IAH1: variants seen among roughly 807,000 people sequenced by gnomAD.
The protein encoded by IAH1 is isoamyl acetate hydrolyzing esterase 1 (putative).
Under a neutral mutation model 26.7 loss-of-function variants are expected in IAH1, and 24 were observed. The observed-to-expected ratio is 0.90, with a 90% CI of 0.65 to 1.26. The LOEUF is 1.26. Ranked by LOEUF, IAH1 falls within the 50% of genes most tolerant of loss-of-function variation. IAH1 has a pLI of 0.00. For synonymous variants in IAH1, 140 were observed against 118.5 expected, an observed-to-expected ratio of 1.18 and a Z score of -1.18; for missense variants, 300 against 299.9, an observed-to-expected ratio of 1.00 and a Z score of 0.00.
intron 3 of IAH1, among the ~76,000 whole-genome samples, chr2:9,481,056 C>T (rs1370867955): frequency 6.6e-6 from 1 of 152,118 alleles, no homozygotes; most frequent in Non-Finnish European, 1.5e-5. Flanking sequence ...ATACTAGTGA[C>T]GAAAAGACAA....
chr2:9,509,662 A>T, the IAH1 span, among the ~76,000 whole-genome samples: 748 of 152,320 alleles, frequency 4.9e-3, 3 homozygotes, highest in Non-Finnish European at 6.0e-3. Context: ...GAAATGACAA[A>T]TTTTTAACAT....
downstream of IAH1, among the ~76,000 whole-genome samples, chr2:9,499,279 G>T (rs534430380): frequency 1.3e-5 from 2 of 152,086 alleles, no homozygotes; most frequent in Non-Finnish European, 2.9e-5. Flanking sequence ...TTTTACTTAC[G>T]TTTATTTAAA....
chr2:9,498,621 TAAG>T, downstream of IAH1, among the ~76,000 whole-genome samples: 1 of 152,336 alleles, frequency 6.6e-6, no homozygotes, highest in South Asian at 2.1e-4. Context: ...GATGGTTTAT[TAAG>T]TACCCAACAG....
intron 2 of IAH1, among the ~76,000 whole-genome samples, chr2:9,477,481 C>G (rs1405680475): frequency 1.3e-5 from 2 of 150,114 alleles, no homozygotes; most frequent in East Asian, 1.9e-4. Context: ...ATCATTTTAC[C>G]AAGACTAAGA....
chr2:9,505,547 CCT>C, the IAH1 span: 2 of 616,532 alleles, frequency 3.2e-6, no homozygotes, highest in Non-Finnish European at 5.7e-6. Flanking sequence ...TGGGAACCTC[CCT>C]CCATAGAATG....
the IAH1 span, chr2:9,505,284 T>C: frequency 6.2e-7 from 1 of 1,614,100 alleles, no homozygotes; most frequent in African/African-American, 1.3e-5. Flanking sequence ...CCACAAACTT[T>C]ATTGCTGCGT....
chr2:9,503,998 C>CA, the IAH1 span, among the ~76,000 whole-genome samples: 14 of 151,410 alleles, frequency 9.2e-5, no homozygotes, highest in African/African-American at 2.7e-4. Context: ...ATAAAAAATA[C>CA]AAAAAAAATT....
intron 1 of IAH1, chr2:9,475,247 C>A (rs943590542): frequency 7.0e-5 from 88 of 1,259,304 alleles, no homozygotes; most frequent in Non-Finnish European, 9.2e-5. Context: ...AGTAGAAATT[C>A]CATTCCTGTG....
Position 9,489,740 on chromosome 2 carries a change from A to C in IAH1, c.*1411A>C, listed in dbSNP as rs1335337050. ...TAGTTGAAGGCAAAAAAAAAAAAAAAAAAAAAAAACTATTCCAGTTGTCAT... is the reference window on the plus strand; with the variant it reads ...TAGTTGAAGGCAAAAAAAAAAAAAACAAAAAAAAACTATTCCAGTTGTCAT... On this transcript the variant is annotated 3_prime_UTR_variant, in exon 6 of 6. Transcript: ENST00000497473. 2.0e-5 allele frequency: 3 copies of C among 152,340 alleles called. No individual in the cohort carries two copies. Among genetic ancestry groups the C allele is most frequent in the South Asian group, 2.1e-4 (1 of 4,818 alleles). The allele number at this position is 152,340 out of a possible 1,614,324, so 9.4% of individuals were successfully genotyped here.
intron 6 of IAH1, among the ~76,000 whole-genome samples, chr2:9,495,690 G>A (rs1446852636): frequency 2.0e-5 from 3 of 147,586 alleles, no homozygotes; most frequent in Non-Finnish European, 4.5e-5. Flanking sequence ...CTCCAGCCTG[G>A]GCGAGAGTGA....
downstream of IAH1, chr2:9,494,726 C>T (rs779554063): frequency 8.1e-6 from 13 of 1,613,970 alleles, no homozygotes; most frequent in South Asian, 3.3e-5. Flanking sequence ...ACACAGCGGC[C>T]AGAAAGGTCC....
At chr2:9,484,262 C>T (rs1325121457) in intron 4 of IAH1, among the ~76,000 whole-genome samples, 170 bp from the exon 5 acceptor site, 1 of 152,234 alleles carries the variant, frequency 6.6e-6, no homozygotes, top group Non-Finnish European at 1.5e-5. Context: ...TAGAGCAGCA[C>T]ACCAGTAACC....
chr2:9,474,665 C>T lies in IAH1; in HGVS notation c.81+18C>T. On this transcript the variant is annotated intron_variant, in intron 1 of 5. Coordinates refer to ENST00000497473, the MANE Select transcript of IAH1 (RefSeq NM_001039613.3). This position sits in a 1 kb window ranked among gnomAD's most constrained non-coding sequence, Gnocchi z 4.3. Reference sequence around the variant, plus strand: ...TCACCCAGGTACGGCCGCCCCGACGCTCGGCCTCCCGCCCCGGCCTCCCTG... The same window carrying T: ...TCACCCAGGTACGGCCGCCCCGACGTTCGGCCTCCCGCCCCGGCCTCCCTG... 6.6e-7 allele frequency: 1 copy of T among 1,526,710 alleles called. No homozygotes were observed. The highest frequency in any genetic ancestry group is 1.2e-5 in the South Asian group (1 of 83,118). 94.6% of individuals were successfully genotyped at this position (1,526,710 alleles called of 1,614,324 possible). A position where few individuals can be genotyped will look rare whatever the true frequency, so the allele number is the denominator to read the frequency against.
chr2:9,475,782 G>C (rs1442682597), intron 1 of IAH1: 3 of 605,114 alleles, frequency 5.0e-6, no homozygotes, highest in Non-Finnish European at 8.9e-6. Context: ...AATACAGGCT[G>C]TTTAGCTTTT....
At chr2:9,498,066 G>C (rs1196411249), downstream of IAH1, among the ~76,000 whole-genome samples, 3 of 152,108 alleles carry the variant, frequency 2.0e-5, no homozygotes, top group African/African-American at 7.2e-5. Flanking sequence ...GTCTCAGTCT[G>C]TCACCCAGGC....
downstream of IAH1, chr2:9,493,959 A>T (rs1361727890): frequency 1.5e-6 from 1 of 667,558 alleles, no homozygotes; most frequent in African/African-American, 1.8e-5. Flanking sequence ...GACACAAGGC[A>T]ATAACTTCCG....
chr2:9,490,614 G>C, downstream of IAH1: 2 of 1,280,952 alleles, frequency 1.6e-6, no homozygotes, highest in Non-Finnish European at 2.1e-6. Flanking sequence ...CTCTTATTCT[G>C]TTGGCACTGT....
At chr2:9,508,991 CA>C in the IAH1 span, among the ~76,000 whole-genome samples, 11 of 150,238 alleles carry the variant, frequency 7.3e-5, no homozygotes, top group East Asian at 2.0e-4. Flanking sequence ...CATAAAAAGC[CA>C]AAAAAAAATG....
chr2:9,501,903 A>G, the IAH1 span, among the ~76,000 whole-genome samples: 1 of 152,108 alleles, frequency 6.6e-6, no homozygotes, highest in Admixed American at 6.6e-5. Flanking sequence ...TGATCTTTCA[A>G]GGATATACAC....
Sources: gnomAD v4.1 joint callset for allele counts (sites outside exome capture counted in the v4.1 genomes callset) on GRCh38, gnomAD v4.1.1 for gene constraint, Gnocchi (gnomAD v3.1) non-coding constraint, MANE v1.5 for transcripts, NCBI Gene and HGNC (gene_info 2026-07-23, HGNC 2026-07-21) for gene names.